Variants in FHOD3 observed in about 807,000 individuals in gnomAD.
FHOD3 encodes the protein FH1/FH2 domain-containing protein 3.
FHOD3 carries 90 observed loss-of-function variants against 173.0 expected under a neutral mutation model. The ratio of observed to expected loss-of-function variants is 0.52; its 90% CI spans 0.44 to 0.62. FHOD3 has a LOEUF of 0.62. Ranked by LOEUF, FHOD3 falls within the 20% of genes least tolerant of loss-of-function variation. The pLI, the probability that FHOD3 is intolerant of heterozygous loss-of-function variation, is 0.00. For missense variants in FHOD3, 1,945 were observed against 2,034.7 expected (o/e 0.96, Z 0.85); for synonymous variants, 828 against 823.0 (o/e 1.01, Z -0.10).
chr18:36,531,744 G>A (rs374098165), intron 5 of FHOD3, among the ~76,000 whole-genome samples: 1 of 152,134 alleles, frequency 6.6e-6, no homozygotes, highest in African/African-American at 2.4e-5. Flanking sequence ...GAACTCTCTG[G>A]GACTGGCTCT....
chr18:36,328,493 G>A (rs2044796405), intron 1 of FHOD3, among the ~76,000 whole-genome samples: 1 of 152,166 alleles, frequency 6.6e-6, no homozygotes, highest in Non-Finnish European at 1.5e-5. Context: ...GACCGGGAAG[G>A]GGAAGTCCGT....
chr18:36,557,978 C>T (rs1420192930), intron 5 of FHOD3, among the ~76,000 whole-genome samples: 2 of 152,188 alleles, frequency 1.3e-5, no homozygotes, highest in African/African-American at 4.8e-5. Context: ...TTGTTGTGCC[C>T]TATGCCCCAA....
At chr18:36,469,931 G>A (rs541747186) in intron 3 of FHOD3, among the ~76,000 whole-genome samples, 1 of 152,308 alleles carries the variant, frequency 6.6e-6, no homozygotes, top group South Asian at 2.1e-4. Context: ...CTTGTGTCCT[G>A]ATCTATGTAA....
At chr18:36,661,777 T>A (rs2036822769) in intron 14 of FHOD3, among the ~76,000 whole-genome samples, 1 of 152,168 alleles carries the variant, frequency 6.6e-6, no homozygotes. Context: ...TATGGAAAAT[T>A]AAGTCAAGGA....
intron 17 of FHOD3, among the ~76,000 whole-genome samples, chr18:36,701,835 C>G (rs1260068459): frequency 6.6e-6 from 1 of 152,076 alleles, no homozygotes; most frequent in Non-Finnish European, 1.5e-5. Context: ...TCCAAAGGGA[C>G]TTTTGAAGGT....
chr18:36,702,690 T>C (rs995157670), intron 17 of FHOD3, among the ~76,000 whole-genome samples: 1 of 152,230 alleles, frequency 6.6e-6, no homozygotes, highest in Non-Finnish European at 1.5e-5. Context: ...CAGAACTTTC[T>C]ACCACCAATT....
rs1455791988 is a variant in FHOD3 at position 36,323,948 on chromosome 18, T to TA, written c.165+25955dup. 2.0e-5 allele frequency among the ~76,000 whole-genome samples: 3 copies of TA among 152,170 alleles called. No homozygotes were observed. The East Asian group carries it at 5.8e-4, about 29-fold the overall frequency. Reference sequence around the variant, plus strand: ...GCCAGAACTTGTAGGGTCAAGACCCTAAAAAAAGGGAAAATTATTTGAAGT... The same window carrying TA: ...GCCAGAACTTGTAGGGTCAAGACCCTAAAAAAAAGGGAAAATTATTTGAAGT... On this transcript the variant is annotated intron_variant, in intron 1 of 28. Coordinates refer to ENST00000590592, the MANE Select transcript of FHOD3 (RefSeq NM_001281740.3).
At chr18:36,568,000 T>C (rs944454718) in intron 5 of FHOD3, among the ~76,000 whole-genome samples, 3 of 151,768 alleles carry the variant, frequency 2.0e-5, no homozygotes, top group Non-Finnish European at 2.9e-5. Flanking sequence ...AGTTAAGTAA[T>C]GCTCCAGCTC....
At chr18:36,545,605 T>C (rs574828927) in intron 5 of FHOD3, among the ~76,000 whole-genome samples, 1 of 152,318 alleles carries the variant, frequency 6.6e-6, no homozygotes, top group East Asian at 1.9e-4. Flanking sequence ...AATTTCTAAA[T>C]ATCTGTGTGT....
At chr18:36,428,473 T>G (rs1267755947) in intron 3 of FHOD3, among the ~76,000 whole-genome samples, 1 of 151,894 alleles carries the variant, frequency 6.6e-6, no homozygotes, top group African/African-American at 2.4e-5. Context: ...GTGAAGTGTA[T>G]GGGAGGTTTA....
chr18:36,395,604 T>C (rs977554512), intron 3 of FHOD3, among the ~76,000 whole-genome samples: 1 of 152,208 alleles, frequency 6.6e-6, no homozygotes, highest in Admixed American at 6.5e-5. Flanking sequence ...CATTCTCACA[T>C]GAGTGCATGG....
chr18:36,519,679 G>A (rs924222502), intron 5 of FHOD3, among the ~76,000 whole-genome samples: 9 of 152,310 alleles, frequency 5.9e-5, no homozygotes, highest in Middle Eastern at 6.8e-3. Context: ...CCTTTGGTGG[G>A]ACAAAGTGTC....
chr18:36,494,028 A>AG (rs2054606342), intron 3 of FHOD3, among the ~76,000 whole-genome samples: 1 of 152,184 alleles, frequency 6.6e-6, no homozygotes, highest in Non-Finnish European at 1.5e-5. Context: ...CCGTTCTTGA[A>AG]GGGGATTTTT....
At chr18:36,572,452 G>A (rs758004372) in intron 5 of FHOD3, among the ~76,000 whole-genome samples, 3 of 151,994 alleles carry the variant, frequency 2.0e-5, no homozygotes, top group Non-Finnish European at 4.4e-5. Flanking sequence ...TGTCTGGAGC[G>A]GTTTACAGGC....
Position 36,542,548 on chromosome 18 carries a change from A to T in FHOD3, c.511+30005A>T, listed in dbSNP as rs774568608. 2.0e-5 allele frequency among the ~76,000 whole-genome samples: 3 copies of T among 152,334 alleles called. No individual in the cohort carries two copies. The East Asian group carries it at 5.8e-4, about 29-fold the overall frequency. On this transcript the variant is annotated intron_variant, in intron 5 of 28. Coordinates refer to ENST00000590592, the MANE Select transcript of FHOD3 (RefSeq NM_001281740.3). ...TAAATAGCTTTTGCTTGCTAAATAT[A>T]TAGGGTATTCTCTGAATTATCTTTT...
At chr18:36,572,532 G>A (rs1471635029) in intron 5 of FHOD3, among the ~76,000 whole-genome samples, 1 of 152,194 alleles carries the variant, frequency 6.6e-6, no homozygotes, top group Non-Finnish European at 1.5e-5. Flanking sequence ...ACCAAAATAT[G>A]AAAAATTAGC....
At chr18:36,730,113 G>A (rs2041279022) in intron 19 of FHOD3, among the ~76,000 whole-genome samples, 1 of 152,178 alleles carries the variant, frequency 6.6e-6, no homozygotes, top group Admixed American at 6.5e-5. Flanking sequence ...TCTGGTATAA[G>A]GGGCATGGAA....
chr18:36,487,076 T>A (rs1293347195), intron 3 of FHOD3, among the ~76,000 whole-genome samples: 1 of 152,250 alleles, frequency 6.6e-6, no homozygotes, highest in Non-Finnish European at 1.5e-5. Context: ...GTAGGGTGTT[T>A]TTAAAAATCA....
intron 17 of FHOD3, among the ~76,000 whole-genome samples, chr18:36,701,313 C>T (rs1343751450): frequency 6.6e-6 from 1 of 152,170 alleles, no homozygotes; most frequent in African/African-American, 2.4e-5. Flanking sequence ...GAAACTTTTA[C>T]AGAGAGTTGA....
Sources: allele counts gnomAD v4.1 joint callset (sites outside exome capture counted in the v4.1 genomes callset), GRCh38; gene constraint gnomAD v4.1.1; transcripts MANE v1.5; gene names NCBI Gene and HGNC (gene_info 2026-07-23, HGNC 2026-07-21).